The following CDKL4 variants were observed in gnomAD, a reference collection of about 807,000 sequenced individuals.
CDKL4 encodes cyclin-dependent kinase-like 4.
A neutral mutation model predicts 42.0 loss-of-function variants in CDKL4; 44 were observed. That is an observed-to-expected ratio of 1.05 (90% CI 0.82 to 1.35). CDKL4 has a LOEUF of 1.35. CDKL4 is among the 40% of genes most tolerant of loss of function. The pLI is 0.00. For missense variants in CDKL4, 393 were observed against 369.9 expected (o/e 1.06, Z -0.51); for synonymous variants, 120 against 121.6 (o/e 0.99, Z 0.09).
At chr2:39,224,639 G>A (rs1678582008) in intron 3 of CDKL4, among the ~76,000 whole-genome samples, 1 of 151,714 alleles carries the variant, frequency 6.6e-6, no homozygotes, top group South Asian at 2.1e-4. Flanking sequence ...GAGTAGCTGG[G>A]ACTACAGGCA....
rs1558582973 is a variant in CDKL4 at position 39,229,349 on chromosome 2, T to C, written c.168+16A>G. 2 of 1,520,650 alleles carry C rather than the reference T, an allele frequency of 1.3e-6. No individual in the cohort carries two copies. The highest frequency in any genetic ancestry group is 1.8e-6 in the Non-Finnish European group (2 of 1,119,328). The allele number at this position is 1,520,650 out of a possible 1,614,324, so 94.2% of individuals were successfully genotyped here. Reference sequence around the variant, plus strand: ...TCAATTCCATGATATTTTACATATATATAAAGTTAACTTACCTTCAACATA... The same window carrying C: ...TCAATTCCATGATATTTTACATATACATAAAGTTAACTTACCTTCAACATA... On this transcript the variant is annotated intron_variant, in intron 2 of 9. Coordinates refer to ENST00000451199, the Ensembl canonical transcript of CDKL4.
intron 1 of CDKL4, among the ~76,000 whole-genome samples, chr2:39,234,443 A>G (rs993842420): frequency 6.6e-6 from 1 of 152,190 alleles, no homozygotes; most frequent in Non-Finnish European, 1.5e-5. Context: ...AAAAAAGGTA[A>G]AAGTTTAGAC....
rs146687238 is a variant in CDKL4, at chr2:39,228,346, T to C, written c.168+1019A>G. Among the ~76,000 whole-genome samples, 897 of 152,238 alleles carry C rather than the reference T, an allele frequency of 5.9e-3. 8 individuals are homozygous for C. The highest frequency in any genetic ancestry group is 0.02 in the African/African-American group (851 of 41,538). On this transcript the variant is annotated intron_variant, in intron 2 of 9. Coordinates refer to ENST00000451199, the Ensembl canonical transcript of CDKL4. ...GATGGATGTGTTCCTGAAGACTGTA[T>C]CAAGTTATATTTCAAACAAAACCCT...
intron 1 of CDKL4, among the ~76,000 whole-genome samples, chr2:39,240,912 C>T (rs868657484): frequency 2.0e-5 from 3 of 152,084 alleles, no homozygotes; most frequent in Non-Finnish European, 4.4e-5. Flanking sequence ...GGGCATTCTA[C>T]GAATAACCGG....
rs928038540 is a variant in CDKL4, at chr2:39,178,460, C to A, written c.927+727G>T. Reference sequence around the variant, plus strand: ...TTATTTATTTTAATAATATTAGGGACCTTCTCTGTGTCAGATACTGTTTTA... The same window carrying A: ...TTATTTATTTTAATAATATTAGGGAACTTCTCTGTGTCAGATACTGTTTTA... On this transcript the variant is annotated intron_variant, in intron 9 of 9. Coordinates refer to ENST00000451199, the Ensembl canonical transcript of CDKL4. 4 of 996,372 alleles carry A rather than the reference C, an allele frequency of 4.0e-6. No homozygotes were observed. In the African/African-American group the frequency reaches 6.5e-5, roughly 16 times the overall value. 61.7% of individuals were successfully genotyped at this position (996,372 alleles called of 1,614,324 possible).
chr2:39,213,584 G>A, intron 3 of CDKL4, 112 bp from the exon 4 acceptor site: 2 of 595,292 alleles, frequency 3.4e-6, no homozygotes, highest in Admixed American at 5.5e-5. Context: ...GGAACACCAT[G>A]CGGAAGGGTC....
At chr2:39,233,521 A>G (rs909795787) in intron 1 of CDKL4, among the ~76,000 whole-genome samples, 2 of 152,206 alleles carry the variant, frequency 1.3e-5, no homozygotes, top group African/African-American at 4.8e-5. Context: ...ATCACCACTA[A>G]GACAGGGAAA....
intron 7 of CDKL4, among the ~76,000 whole-genome samples, chr2:39,185,596 G>A (rs1035273814): frequency 6.7e-6 from 1 of 150,344 alleles, no homozygotes; most frequent in African/African-American, 2.5e-5. Flanking sequence ...CCGAGTAGCT[G>A]GGACTACAGG....
chr2:39,205,170 T>C (rs935571637), intron 4 of CDKL4, among the ~76,000 whole-genome samples: 35 of 152,218 alleles, frequency 2.3e-4, no homozygotes, highest in African/African-American at 7.9e-4. Flanking sequence ...AGCTAAACCC[T>C]GTCTCGAAAA....
At chr2:39,190,281 G>A in intron 6 of CDKL4, 24 bp downstream of exon 6, 1 of 1,574,146 alleles carries the variant, frequency 6.4e-7, no homozygotes, top group South Asian at 1.1e-5. Flanking sequence ...CAGCAACTCT[G>A]TTGCCATAAA....
At chr2:39,169,835 G>C in the CDKL4 span, among the ~76,000 whole-genome samples, 2 of 152,002 alleles carry the variant, frequency 1.3e-5, no homozygotes, top group Non-Finnish European at 2.9e-5. Context: ...GTCTCACTCT[G>C]TCACCCAGGC....
intron 2 of CDKL4, among the ~76,000 whole-genome samples, chr2:39,226,910 G>T (rs1678781555): frequency 6.6e-6 from 1 of 152,126 alleles, no homozygotes; most frequent in African/African-American, 2.4e-5. Flanking sequence ...GGGACTACAG[G>T]TGGGTGCTAC....
chr2:39,217,132 G>A (rs1677977031), intron 3 of CDKL4, among the ~76,000 whole-genome samples: 1 of 152,146 alleles, frequency 6.6e-6, no homozygotes, highest in African/African-American at 2.4e-5. Context: ...TCAGCCACAG[G>A]CAGCATTTTT....
chr2:39,180,690 T>C (rs1400619134), intron 8 of CDKL4, among the ~76,000 whole-genome samples: 1 of 150,044 alleles, frequency 6.7e-6, no homozygotes, highest in Non-Finnish European at 1.5e-5. Flanking sequence ...GAAAGACTTT[T>C]TTTTTTTTTT....
At chr2:39,229,993 G>A (rs1291831629) in intron 1 of CDKL4, among the ~76,000 whole-genome samples, 1 of 152,218 alleles carries the variant, frequency 6.6e-6, no homozygotes, top group Non-Finnish European at 1.5e-5. Context: ...ATGACTAGGA[G>A]GAGTTGTGTA....
intron 1 of CDKL4, among the ~76,000 whole-genome samples, chr2:39,237,233 A>C (rs1203545073): frequency 6.6e-6 from 1 of 152,232 alleles, no homozygotes. Context: ...TATCTCAGGA[A>C]TGCAAAGTGG....
At chr2:39,218,812 G>T (rs776941401) in intron 3 of CDKL4, among the ~76,000 whole-genome samples, 1 of 152,090 alleles carries the variant, frequency 6.6e-6, no homozygotes, top group Non-Finnish European at 1.5e-5. Flanking sequence ...TTAGACCATC[G>T]GCTTTCCTGG....
intron 4 of CDKL4, among the ~76,000 whole-genome samples, chr2:39,205,014 A>T (rs1677078232): frequency 1.3e-5 from 2 of 151,846 alleles, no homozygotes; most frequent in Non-Finnish European, 2.9e-5. Context: ...CCCTGTCTCT[A>T]CAAAAAAGTT....
At chr2:39,196,044 G>T (rs1176999216) in intron 5 of CDKL4, among the ~76,000 whole-genome samples, 2 of 152,190 alleles carry the variant, frequency 1.3e-5, no homozygotes, top group African/African-American at 4.8e-5. Flanking sequence ...CAGCCAAGGA[G>T]CTCTGAAGAC....
Sources: allele counts gnomAD v4.1 joint callset (sites outside exome capture counted in the v4.1 genomes callset), GRCh38; gene constraint gnomAD v4.1.1; transcripts MANE v1.5; gene names NCBI Gene and HGNC (gene_info 2026-07-23, HGNC 2026-07-21).